TTLL11: variants seen among roughly 807,000 people sequenced by gnomAD.
The protein encoded by TTLL11 is tubulin polyglutamylase TTLL11.
TTLL11 carries 42 observed loss-of-function variants against 51.7 expected under a neutral mutation model. That is an observed-to-expected ratio of 0.81 (90% CI 0.64 to 1.05). The LOEUF (loss-of-function observed/expected upper bound fraction) is 1.05. Among genes scored for constraint, TTLL11 ranks in the 50% least tolerant of loss-of-function variants. TTLL11 has a pLI of 0.00. For missense variants in TTLL11, 799 were observed against 940.4 expected (o/e 0.85, Z 1.97); for synonymous variants, 381 against 383.5 (o/e 0.99, Z 0.08).
chr9:122,082,649 T>A (rs1003120336), intron 1 of TTLL11, among the ~76,000 whole-genome samples: 2 of 152,152 alleles, frequency 1.3e-5, no homozygotes, highest in Admixed American at 6.5e-5. Flanking sequence ...AATGAATCTA[T>A]ATATATTAAC....
intron 8 of TTLL11, among the ~76,000 whole-genome samples, chr9:121,858,517 C>T (rs4837905): frequency 0.75 from 113,816 of 151,828 alleles, 43,206 homozygotes; most frequent in African/African-American, 0.87. Flanking sequence ...AGGAGCATCA[C>T]TACTAAACAC....
intron 1 of TTLL11, among the ~76,000 whole-genome samples, chr9:122,076,279 G>A (rs1035711214): frequency 1.2e-4 from 19 of 152,202 alleles, no homozygotes; most frequent in African/African-American, 4.6e-4. Flanking sequence ...TTTTAAAAGT[G>A]TAGTTATCTT....
chr9:121,956,835 G>T (rs1388829881), intron 6 of TTLL11, among the ~76,000 whole-genome samples: 1 of 152,182 alleles, frequency 6.6e-6, no homozygotes, highest in Non-Finnish European at 1.5e-5. Context: ...TGATTCTGGT[G>T]CCCACTAACG....
rs548661656 is a variant in TTLL11 at position 121,863,289 on chromosome 9, C to T, written c.1734-2846G>A. On this transcript the variant is annotated intron_variant, in intron 7 of 8. Transcript: ENST00000321582. ...ATGGTCCAGTCTCTCCCAGGGTATT[C>T]GAACAGCCTGCATTGCTAATTTACA... Among the ~76,000 whole-genome samples the T allele has an allele frequency of 3.5e-4, 53 of 152,228 alleles. No homozygotes were observed. The South Asian group carries it at 7.7e-3, about 22-fold the overall frequency.
rs71371911 is a variant in TTLL11, at chr9:122,006,981, CAAAAAAAAAAAAAAAAA to C, written c.694-17228_694-17212del. 4.1e-3 allele frequency among the ~76,000 whole-genome samples: 178 copies of C among 43,470 alleles called. 1 individual carries two copies. Among genetic ancestry groups the C allele is most frequent in the African/African-American group, 0.012 (166 of 14,096 alleles). The allele number at this position is 43,470 out of a possible 152,430, so 28.5% of individuals were successfully genotyped here. A position where few individuals can be genotyped will look rare whatever the true frequency, so the allele number is the denominator to read the frequency against. On this transcript the variant is annotated intron_variant, in intron 3 of 8. Coordinates refer to ENST00000321582, the MANE Select transcript of TTLL11 (RefSeq NM_001139442.2). The stretch of plus-strand genomic sequence containing the variant: ...TCGGTGGCAGAGCGAGATACTCTGT[CAAAAAAAAAAAAAAAAA>C]AAAAAAAAAAACTTTTCCTTATTTT...
intron 6 of TTLL11, among the ~76,000 whole-genome samples, chr9:121,930,462 C>A (rs977318737): frequency 6.6e-6 from 1 of 152,164 alleles, no homozygotes; most frequent in African/African-American, 2.4e-5. Flanking sequence ...ATAGTGAAAC[C>A]GTGACCCACA....
chr9:121,964,935 T>C lies in TTLL11; in HGVS notation c.1481+9074A>G, dbSNP rs145614343. ...TTGCAGTACTTAGCACATTCCACCT[T>C]ACAGATATTGATGCGTGGGTCTTGC... On this transcript the variant is annotated intron_variant, in intron 6 of 8. Transcript: ENST00000321582. Among the ~76,000 whole-genome samples, 883 of 152,298 alleles carry C rather than the reference T, an allele frequency of 5.8e-3. 5 individuals are homozygous for C. Among genetic ancestry groups the C allele is most frequent in the African/African-American group, 0.02 (838 of 41,560 alleles).
Position 121,860,410 on chromosome 9 carries a change from C to T in TTLL11, c.1767G>A (p.Met589Ile), listed in dbSNP as rs1837969880. ...SCKLSSSSLSMAAVDILYIDI... is the reference protein window; with the variant it reads ...SCKLSSSSLSIAAVDILYIDI... ...CAATGTAGAGGATGTCCACGGCAGC[C>T]ATGGACAGGCTGCTGCTGCTGAGTT... Residue 589 changes from methionine (M) to isoleucine (I), a missense_variant, in exon 8 of 9, where the codon ATG becomes ATA. Around this residue, in one of 3 missense-constraint regions of TTLL11, gnomAD observed 165 missense variants for 166.1 expected, o/e 0.99. Coordinates refer to ENST00000321582, the MANE Select transcript of TTLL11 (RefSeq NM_001139442.2). 1.9e-6 allele frequency: 3 copies of T among 1,551,418 alleles called. No homozygotes were observed. Among genetic ancestry groups the T allele is most frequent in the African/African-American group, 2.7e-5 (2 of 73,166 alleles).
chr9:122,014,983 A>G (rs1351691278), intron 3 of TTLL11, among the ~76,000 whole-genome samples: 6 of 152,196 alleles, frequency 3.9e-5, no homozygotes, highest in African/African-American at 1.4e-4. Context: ...ACATAAGAAT[A>G]TCTGAGTACA....
At chr9:122,081,716 T>C (rs1846008265) in intron 1 of TTLL11, among the ~76,000 whole-genome samples, 2 of 152,252 alleles carry the variant, frequency 1.3e-5, no homozygotes, top group African/African-American at 2.4e-5. Flanking sequence ...GGACTGTTTT[T>C]AGTGAATGAG....
chr9:121,992,137 C>G (rs1355161039), intron 3 of TTLL11, among the ~76,000 whole-genome samples: 4 of 152,134 alleles, frequency 2.6e-5, no homozygotes, highest in Non-Finnish European at 4.4e-5. Flanking sequence ...CTGAGTTGGC[C>G]AGACTGCCCC....
chr9:122,062,810 C>T (rs1027557785), intron 1 of TTLL11, among the ~76,000 whole-genome samples: 4 of 151,224 alleles, frequency 2.6e-5, no homozygotes, highest in African/African-American at 9.7e-5. Flanking sequence ...GATGGAGTCT[C>T]ACTCTATTAG....
chr9:122,038,902 G>T (rs780563806), intron 2 of TTLL11, among the ~76,000 whole-genome samples: 2 of 152,164 alleles, frequency 1.3e-5, no homozygotes, highest in African/African-American at 4.8e-5. Flanking sequence ...AAAGAAAAGG[G>T]AAGCTGATAC....
chr9:122,074,349 A>G (rs1045546049), intron 1 of TTLL11, among the ~76,000 whole-genome samples: 1 of 152,112 alleles, frequency 6.6e-6, no homozygotes, highest in Non-Finnish European at 1.5e-5. Context: ...CATATGGAAT[A>G]TTTTTACAAT....
chr9:122,006,361 G>A (rs1843644001), intron 3 of TTLL11, among the ~76,000 whole-genome samples: 1 of 149,894 alleles, frequency 6.7e-6, no homozygotes, highest in Non-Finnish European at 1.5e-5. Context: ...AAAGAATTAT[G>A]TAAAGAGAGA....
At chr9:121,846,958 C>T (rs1347750167) in intron 8 of TTLL11, among the ~76,000 whole-genome samples, 1 of 152,098 alleles carries the variant, frequency 6.6e-6, no homozygotes, top group African/African-American at 2.4e-5. Context: ...CGCCTGTAAT[C>T]CCAGCACTTT....
chr9:121,816,733 A>G lies in TTLL11; in HGVS notation c.*5854T>C, dbSNP rs1836424424. 6.6e-6 allele frequency: 1 copy of G among 152,192 alleles called. No individual in the cohort carries two copies. The highest frequency in any genetic ancestry group is 2.4e-5 in the African/African-American group (1 of 41,440). The allele number at this position is 152,192 out of a possible 1,614,324, so 9.4% of individuals were successfully genotyped here. ...TGCATGCATGCGCGCGTGTGTGTAT[A>G]AGCATTATGCTGCGTGGTTTTTCCA... On this transcript the variant is annotated 3_prime_UTR_variant, in exon 9 of 9. Transcript: ENST00000321582.
rs1392753293 is a variant in TTLL11, at chr9:121,826,207, T to TATATATAC, written c.1841-3329_1841-3328insGTATATAT. 6.1e-5 allele frequency among the ~76,000 whole-genome samples: 7 copies of TATATATAC among 114,874 alleles called. 1 individual carries two copies. The highest frequency in any genetic ancestry group is 1.0e-4 in the Non-Finnish European group (6 of 58,380). The allele number at this position is 114,874 out of a possible 152,430, so 75.4% of individuals were successfully genotyped here. A position where few individuals can be genotyped will look rare whatever the true frequency, so the allele number is the denominator to read the frequency against. ...ACCTATATATATATATATATATATA[T>TATATATAC]ATATATATATGCACACATATATATA... On this transcript the variant is annotated intron_variant, in intron 8 of 8. Transcript: ENST00000321582.
At chr9:122,086,081 C>A (rs775916405) in intron 1 of TTLL11, among the ~76,000 whole-genome samples, 14 of 152,200 alleles carry the variant, frequency 9.2e-5, no homozygotes, top group Non-Finnish European at 2.1e-4. Context: ...CAAAACACTA[C>A]CAAAATTGTG....
Sources: gnomAD v4.1 joint callset for allele counts (sites outside exome capture counted in the v4.1 genomes callset) on GRCh38, gnomAD v4.1.1 for gene constraint, gnomAD v4.1.1 regional missense constraint, MANE v1.5 for transcripts, NCBI Gene and HGNC (gene_info 2026-07-23, HGNC 2026-07-21) for gene names.